SEPTIN7: variants seen among roughly 807,000 people sequenced by gnomAD.
The protein encoded by SEPTIN7 is septin 7.
A neutral mutation model predicts 63.3 loss-of-function variants in SEPTIN7; 10 were observed. The observed-to-expected ratio is 0.16, with a 90% CI of 0.10 to 0.27. The LOEUF is 0.27. Ranked by LOEUF, SEPTIN7 falls within the 10% of genes least tolerant of loss-of-function variation. The pLI, the probability that SEPTIN7 is intolerant of heterozygous loss-of-function variation, is 1.00. For missense variants in SEPTIN7, 310 were observed against 521.0 expected, an observed-to-expected ratio of 0.59 and a Z score of 3.94; for synonymous variants, 131 against 165.3, an observed-to-expected ratio of 0.79 and a Z score of 1.59.
intron 3 of SEPTIN7, among the ~76,000 whole-genome samples, chr7:35,842,362 C>A (rs771893082): frequency 6.6e-6 from 1 of 150,938 alleles, no homozygotes; most frequent in Non-Finnish European, 1.5e-5. Flanking sequence ...AAAAAAAAAC[C>A]CTCATTTTAA....
chr7:35,886,871 AAATAC>A (rs1193889138), intron 10 of SEPTIN7, among the ~76,000 whole-genome samples: 1 of 152,220 alleles, frequency 6.6e-6, no homozygotes, highest in Admixed American at 6.5e-5. Context: ...CTACCTCAAG[AAATAC>A]AATAGAGGTG....
intron 1 of SEPTIN7, among the ~76,000 whole-genome samples, chr7:35,828,742 G>A (rs143494626): frequency 6.6e-6 from 1 of 151,926 alleles, no homozygotes; most frequent in African/African-American, 2.4e-5. Context: ...TCTGCATGGC[G>A]ATGATTCCTA....
At chr7:35,883,816 T>C (rs1250103442) in intron 8 of SEPTIN7, 75 bp from the exon 9 acceptor site, 1 of 789,558 alleles carries the variant, frequency 1.3e-6, no homozygotes, top group East Asian at 2.7e-5. Context: ...ACCTGTTGAG[T>C]AATGTAACTT....
At chr7:35,840,788 T>TA (rs1784372964) in intron 3 of SEPTIN7, among the ~76,000 whole-genome samples, 1 of 152,160 alleles carries the variant, frequency 6.6e-6, no homozygotes, top group South Asian at 2.1e-4. Context: ...AGTATACACA[T>TA]AACTATACCA....
intron 3 of SEPTIN7, among the ~76,000 whole-genome samples, chr7:35,840,132 C>T (rs1298324826): frequency 8.2e-6 from 1 of 121,700 alleles, no homozygotes; most frequent in Non-Finnish European, 1.8e-5. Context: ...CCTTTTTCCC[C>T]TTCCCCCTTC....
chr7:35,884,036 T>A (rs181433886), intron 9 of SEPTIN7, 49 bp downstream of exon 9: 2 of 1,163,624 alleles, frequency 1.7e-6, no homozygotes, highest in Admixed American at 1.7e-5. Flanking sequence ...CAAAACTGAT[T>A]AAAAATTTGT....
Position 35,854,627 on chromosome 7 carries a change from C to T in SEPTIN7, c.170-8925C>T, listed in dbSNP as rs1316477228. ...AGCAACCTGTGCCTGATGCCTGCCT[C>T]TCATTTACTCTGTAGTCTCTTACTG... is the stretch of plus-strand genomic sequence containing the variant. On this transcript the variant is annotated intron_variant, in intron 3 of 13. Transcript: ENST00000350320. 2.0e-5 allele frequency among the ~76,000 whole-genome samples: 3 copies of T among 152,188 alleles called. No individual in the cohort carries two copies. In the East Asian group the frequency reaches 5.8e-4, roughly 29 times the overall value.
At chr7:35,833,255 T>G (rs773768681) in intron 3 of SEPTIN7, among the ~76,000 whole-genome samples, 4 of 151,984 alleles carry the variant, frequency 2.6e-5, no homozygotes, top group Non-Finnish European at 5.9e-5. Context: ...TAGTGGAGTA[T>G]CATATAAGCA....
Position 35,809,648 on chromosome 7 carries a change from T to C in SEPTIN7, c.61+8378T>C, listed in dbSNP as rs1417733753. Among the ~76,000 whole-genome samples, 3 of 152,174 alleles carry C rather than the reference T, an allele frequency of 2.0e-5. No homozygotes were observed. In the East Asian group the frequency reaches 5.8e-4, roughly 29 times the overall value. On this transcript the variant is annotated intron_variant, in intron 1 of 13. Transcript: ENST00000350320. ...ATCTTTGAAAGTCGGTAGGAGTGATTAGGTAAAGGAGGTGAAGGAGTAAAG... is the reference window on the plus strand; with the variant it reads ...ATCTTTGAAAGTCGGTAGGAGTGATCAGGTAAAGGAGGTGAAGGAGTAAAG...
intron 3 of SEPTIN7, among the ~76,000 whole-genome samples, chr7:35,835,851 G>A (rs1175925661): frequency 1.3e-5 from 2 of 152,148 alleles, no homozygotes; most frequent in Non-Finnish European, 2.9e-5. Context: ...TTATAGTCTA[G>A]GGACAACAGG....
chr7:35,842,292 G>T (rs1346726227), intron 3 of SEPTIN7, among the ~76,000 whole-genome samples: 1 of 151,482 alleles, frequency 6.6e-6, no homozygotes, highest in Non-Finnish European at 1.5e-5. Context: ...TCCCATGAAA[G>T]ACCTTTGTAG....
At chr7:35,810,903 A>G (rs1265146431) in intron 1 of SEPTIN7, among the ~76,000 whole-genome samples, 2 of 151,840 alleles carry the variant, frequency 1.3e-5, no homozygotes, top group Admixed American at 1.3e-4. Flanking sequence ...AGTAGCTGGG[A>G]TTACAGGCAC....
At chr7:35,864,378 A>T (rs1166350406) in intron 4 of SEPTIN7, among the ~76,000 whole-genome samples, 1 of 152,136 alleles carries the variant, frequency 6.6e-6, no homozygotes, top group African/African-American at 2.4e-5. Context: ...ATGCTGCTGG[A>T]TGGTAGATCA....
chr7:35,801,926 C>A (rs1467902279), intron 1 of SEPTIN7, among the ~76,000 whole-genome samples: 1 of 152,168 alleles, frequency 6.6e-6, no homozygotes, highest in East Asian at 1.9e-4. Flanking sequence ...TCTCTCCAGG[C>A]GCAGCCCGGA....
At chr7:35,872,586 G>C (rs1256983866) in intron 4 of SEPTIN7, 80 bp from the exon 5 acceptor site, 3 of 1,047,352 alleles carry the variant, frequency 2.9e-6, no homozygotes, top group South Asian at 2.7e-5. Context: ...TGATAAACTC[G>C]AACGTCCCTA....
intron 11 of SEPTIN7, among the ~76,000 whole-genome samples, chr7:35,897,749 GAC>G (rs1203565338): frequency 6.6e-6 from 1 of 152,114 alleles, no homozygotes; most frequent in Non-Finnish European, 1.5e-5. Context: ...TCTAGGTATT[GAC>G]TAGTAGTTGT....
rs375407885 is a variant in SEPTIN7 at position 35,873,631 on chromosome 7, C to G, written c.378-10C>G. 6.2e-7 allele frequency: 1 copy of G among 1,602,520 alleles called. No individual in the cohort carries two copies. Among genetic ancestry groups the G allele is most frequent in the South Asian group, 1.1e-5 (1 of 89,396 alleles). On this transcript the variant is annotated splice_polypyrimidine_tract_variant and intron_variant, in intron 5 of 13. Coordinates refer to ENST00000350320, the MANE Select transcript of SEPTIN7 (RefSeq NM_001788.6). The stretch of plus-strand genomic sequence containing the variant: ...AATTGCAGCTTGTTTTGTTTATTTG[C>G]GTTCTATAGCTGGCAGCCTGTTATC...
intron 10 of SEPTIN7, among the ~76,000 whole-genome samples, chr7:35,888,253 T>C (rs1787394502): frequency 6.6e-6 from 1 of 152,156 alleles, no homozygotes; most frequent in Non-Finnish European, 1.5e-5. Flanking sequence ...GGTTGAATCA[T>C]AAAATGATAA....
intron 7 of SEPTIN7, among the ~76,000 whole-genome samples, chr7:35,881,077 A>G (rs1367067577): frequency 6.6e-6 from 1 of 151,964 alleles, no homozygotes; most frequent in Non-Finnish European, 1.5e-5. Flanking sequence ...CACCTTTTTC[A>G]ATATGAATTT....
Sources: allele counts gnomAD v4.1 joint callset (sites outside exome capture counted in the v4.1 genomes callset), GRCh38; gene constraint gnomAD v4.1.1; transcripts MANE v1.5; gene names NCBI Gene and HGNC (gene_info 2026-07-23, HGNC 2026-07-21).